The following SERGEF variants were observed in gnomAD, a reference collection of about 807,000 sequenced individuals.
SERGEF encodes the protein secretion-regulating guanine nucleotide exchange factor.
Under a neutral mutation model 50.0 loss-of-function variants are expected in SERGEF, and 51 were observed. The ratio of observed to expected loss-of-function variants is 1.02; its 90% CI spans 0.81 to 1.29. SERGEF has a LOEUF of 1.29. Among genes scored for constraint, SERGEF ranks in the 50% most tolerant of loss-of-function variants. The pLI is 0.00. For missense variants in SERGEF, 521 were observed against 557.0 expected (o/e 0.94, Z 0.65); for synonymous variants, 205 against 212.4 (o/e 0.97, Z 0.30).
chr11:17,808,984 T>G (rs778373600), intron 10 of SERGEF, among the ~76,000 whole-genome samples: 1 of 152,222 alleles, frequency 6.6e-6, no homozygotes, highest in Admixed American at 6.5e-5. Context: ...CTAGGTTCCT[T>G]GAAAATAGGG....
chr11:17,865,581 ATGTG>A (rs1405400444), intron 10 of SERGEF, among the ~76,000 whole-genome samples: 1 of 152,066 alleles, frequency 6.6e-6, no homozygotes, highest in African/African-American at 2.4e-5. Flanking sequence ...GCCTGAGCTA[ATGTG>A]TGTGTTTGTG....
chr11:18,006,739 T>G lies in SERGEF; in HGVS notation c.204A>C (p.Gly68=). 6.2e-7 allele frequency: 1 copy of G among 1,614,060 alleles called. No homozygotes were observed. Among genetic ancestry groups the G allele is most frequent in the Non-Finnish European group, 8.5e-7 (1 of 1,180,002 alleles). ...TGTTCAGGCCACAAACAAAGAGGTC[T>G]CCTCCATCTGCAAAATATAAAGGCA... ...GGHSAVVTDG[G]DLFVCGLNKD... is the part of the protein sequence containing the mutation. The change falls in exon 3 of 11, where the codon GGA becomes GGC. Residue 68 remains glycine (G), a synonymous_variant. Coordinates refer to ENST00000265965, the MANE Select transcript of SERGEF (RefSeq NM_012139.4).
At chr11:17,845,288 T>A (rs1590151614) in intron 10 of SERGEF, among the ~76,000 whole-genome samples, 1 of 152,192 alleles carries the variant, frequency 6.6e-6, no homozygotes, top group African/African-American at 2.4e-5. Context: ...GGCTCAGCTA[T>A]CAAAGCCTAC....
Position 17,991,029 on chromosome 11 carries a change from A to T in SERGEF, c.685+1902T>A, listed in dbSNP as rs1853703551. ...TGGTCTTGAACTCCTGACCTCAAGT[A>T]TTCCATCTGCCTCAGCCTCCAAAGT... On this transcript the variant is annotated intron_variant, in intron 7 of 10. Transcript: ENST00000265965. The surrounding 1 kb of genome is among the most constrained non-coding windows in gnomAD (Gnocchi z 4.9). Among the ~76,000 whole-genome samples the T allele has an allele frequency of 1.3e-5, 2 of 152,234 alleles. No individual in the cohort carries two copies. The highest frequency in any genetic ancestry group is 4.2e-4 in the South Asian group (2 of 4,810).
At chr11:17,802,393 G>A (rs1439052640) in intron 10 of SERGEF, among the ~76,000 whole-genome samples, 1 of 152,192 alleles carries the variant, frequency 6.6e-6, no homozygotes, top group Non-Finnish European at 1.5e-5. Context: ...TCAGCCTCCT[G>A]TGGGCTCAGC....
intron 9 of SERGEF, among the ~76,000 whole-genome samples, chr11:17,926,138 G>A (rs1852244070): frequency 6.6e-6 from 1 of 152,032 alleles, no homozygotes; most frequent in African/African-American, 2.4e-5. Flanking sequence ...ATGCAGACAG[G>A]TCTATGGTCT....
chr11:17,805,139 T>G (rs1205273935), intron 10 of SERGEF, among the ~76,000 whole-genome samples: 2 of 152,214 alleles, frequency 1.3e-5, no homozygotes, highest in African/African-American at 4.8e-5. Context: ...TGCAAAATTT[T>G]CCCTTCCTAA....
At chr11:17,886,865 C>T (rs59940796) in intron 9 of SERGEF, among the ~76,000 whole-genome samples, 8,843 of 152,154 alleles carry the variant, frequency 0.058, 874 homozygotes, top group African/African-American at 0.2. Flanking sequence ...ACCATGCAGT[C>T]CTGCTTCCTG....
chr11:17,947,093 A>T (rs1181959179), intron 9 of SERGEF, among the ~76,000 whole-genome samples: 3 of 152,254 alleles, frequency 2.0e-5, no homozygotes, highest in African/African-American at 7.2e-5. Context: ...AATACAATCA[A>T]ATACTAATAG....
chr11:17,891,933 T>C (rs1223313145), intron 9 of SERGEF, among the ~76,000 whole-genome samples: 2 of 152,242 alleles, frequency 1.3e-5, no homozygotes, highest in Non-Finnish European at 2.9e-5. Context: ...CTTGTCTATC[T>C]TTTAGGATCT....
At chr11:17,986,477 G>C (rs763301168) in intron 8 of SERGEF, among the ~76,000 whole-genome samples, 1 of 152,218 alleles carries the variant, frequency 6.6e-6, no homozygotes, top group Non-Finnish European at 1.5e-5. Flanking sequence ...CTCTTGAAAG[G>C]AGGCAGAAAC....
intron 4 of SERGEF, among the ~76,000 whole-genome samples, chr11:18,003,397 T>C (rs1255981768): frequency 6.6e-6 from 1 of 152,252 alleles, no homozygotes; most frequent in Non-Finnish European, 1.5e-5. Context: ...ACACTTGTTT[T>C]GTCCAATATG....
intron 8 of SERGEF, among the ~76,000 whole-genome samples, chr11:17,983,636 A>G (rs1352848212): frequency 6.6e-6 from 1 of 152,176 alleles, no homozygotes; most frequent in Non-Finnish European, 1.5e-5. Flanking sequence ...GGCAAAAGCA[A>G]GCATGGCTCC....
intron 9 of SERGEF, among the ~76,000 whole-genome samples, chr11:17,913,260 C>A (rs1448386635): frequency 6.6e-6 from 1 of 152,226 alleles, no homozygotes; most frequent in African/African-American, 2.4e-5. Context: ...CACTTTCTTC[C>A]AGCCCCACAC....
intron 9 of SERGEF, among the ~76,000 whole-genome samples, chr11:17,945,870 C>T (rs1397603154): frequency 6.6e-6 from 1 of 152,014 alleles, no homozygotes; most frequent in Non-Finnish European, 1.5e-5. Flanking sequence ...CCCAGCTACT[C>T]ACGAGGCTGA....
intron 9 of SERGEF, among the ~76,000 whole-genome samples, chr11:17,927,884 C>G (rs1293230752): frequency 6.6e-6 from 1 of 152,218 alleles, no homozygotes; most frequent in Non-Finnish European, 1.5e-5. Context: ...ATGACATCTT[C>G]TGCAAGAAGC....
In SERGEF at chr11:18,000,573, A is replaced by G. The variant is rs533314158; in HGVS notation, c.448-16T>C. ...CTTTATGGAGCTGTCAAAATAAAGA[A>G]AAGGATTTAGATCTCAGAACCATCC... On this transcript the variant is annotated splice_polypyrimidine_tract_variant and intron_variant, in intron 4 of 10. Transcript: ENST00000265965. The G allele has an allele frequency of 1.3e-6, 2 of 1,566,558 alleles. No homozygotes were observed. The highest frequency in any genetic ancestry group is 1.7e-6 in the Non-Finnish European group (2 of 1,157,904).
Position 17,995,850 on chromosome 11 carries a change from G to T in SERGEF, c.568C>A (p.Pro190Thr). The change falls in exon 6 of 11, where the codon CCT becomes ACT. Residue 190 changes from proline to threonine, a missense_variant. Coordinates refer to ENST00000265965, the MANE Select transcript of SERGEF (RefSeq NM_012139.4). ...AAAAACAATGGAAGAGTCTGCCCAG[G>T]GCACAACCGTCGTCCACATGATGCC... ...GLASCGRRLC[P>T]GQTLPLFFTA... is the part of the protein sequence containing the mutation. The T allele has an allele frequency of 2.5e-6, 4 of 1,614,020 alleles. No homozygotes were observed. The highest frequency in any genetic ancestry group is 2.5e-6 in the Non-Finnish European group (3 of 1,179,984).
chr11:17,828,025 C>G (rs1022868906), intron 10 of SERGEF, among the ~76,000 whole-genome samples: 3 of 152,160 alleles, frequency 2.0e-5, no homozygotes, highest in African/African-American at 4.8e-5. Flanking sequence ...CTGGATGCAA[C>G]AGAACTCTAT....
Sources: allele counts gnomAD v4.1 joint callset (sites outside exome capture counted in the v4.1 genomes callset), GRCh38; gene constraint gnomAD v4.1.1; non-coding constraint Gnocchi (gnomAD v3.1); transcripts MANE v1.5; gene names NCBI Gene and HGNC (gene_info 2026-07-23, HGNC 2026-07-21).